EIF2AK3: variants seen among roughly 807,000 people sequenced by gnomAD.
The protein encoded by EIF2AK3 is eukaryotic translation initiation factor 2-alpha kinase 3.
In EIF2AK3, 50 loss-of-function variants were observed where a neutral mutation model predicts 113.5. That is an observed-to-expected ratio of 0.44 (90% CI 0.35 to 0.56). The LOEUF (loss-of-function observed/expected upper bound fraction) is 0.56, where lower values mean the gene tolerates loss of function less well. Among genes scored for constraint, EIF2AK3 ranks in the 20% least tolerant of loss-of-function variants. The pLI is 0.00. For missense variants in EIF2AK3, 1,185 were observed against 1,378.0 expected, an observed-to-expected ratio of 0.86 and a Z score of 2.22; for synonymous variants, 448 against 495.4, an observed-to-expected ratio of 0.90 and a Z score of 1.27.
intron 10 of EIF2AK3, 53 bp downstream of exon 10, chr2:88,583,377 T>G (rs1299738914): frequency 1.4e-6 from 2 of 1,407,978 alleles, no homozygotes; most frequent in Non-Finnish European, 2.0e-6. Context: ...TTAAACAAGA[T>G]CTTAGGTCAT....
Position 88,626,947 on chromosome 2 carries a change from C to G in EIF2AK3, c.308+20G>C, listed in dbSNP as rs761861079. Reference sequence around the variant, plus strand: ...CGCGCGCGTAAACAAGTTGCCTCCCCCGGGTCGGCAGCCCCTCACCTGCCG... The same window carrying G: ...CGCGCGCGTAAACAAGTTGCCTCCCGCGGGTCGGCAGCCCCTCACCTGCCG... On this transcript the variant is annotated intron_variant, in intron 1 of 16. Transcript: ENST00000303236. 5 of 1,606,298 alleles carry G rather than the reference C, an allele frequency of 3.1e-6. No individual in the cohort carries two copies. In the African/African-American group the frequency reaches 6.7e-5, roughly 22 times the overall value.
intron 14 of EIF2AK3, 144 bp downstream of exon 14, chr2:88,570,730 C>G (rs1674283182): frequency 9.8e-7 from 1 of 1,021,026 alleles, no homozygotes; most frequent in East Asian, 2.5e-5. Context: ...TGTCACTATT[C>G]CACTACTGGA....
Position 88,627,250 on chromosome 2 carries a change from G to T in EIF2AK3, c.25C>A (p.Leu9Met), listed in dbSNP as rs1573432415. 11 of 1,486,838 alleles carry T rather than the reference G, an allele frequency of 7.4e-6. No individual in the cohort carries two copies. The highest frequency in any genetic ancestry group is 2.9e-5 in the East Asian group (1 of 34,894). The allele number at this position is 1,486,838 out of a possible 1,614,324, so 92.1% of individuals were successfully genotyped here. A position where few individuals can be genotyped will look rare whatever the true frequency, so the allele number is the denominator to read the frequency against. MERAISPG[L>M]LVRALLLLLL... Reference sequence around the variant, plus strand: ...AGCAGCAGCAGCGCCCGTACCAGCAGCCCCGGGCTGATGGCGCGCTCCATC... The same window carrying T: ...AGCAGCAGCAGCGCCCGTACCAGCATCCCCGGGCTGATGGCGCGCTCCATC... The change falls in exon 1 of 17, where the codon CTG (leucine) becomes ATG (methionine). Residue 9 changes from leucine (L) to methionine (M), a missense_variant. Transcript: ENST00000303236.
At chr2:88,571,496 G>A (rs137972058) in intron 13 of EIF2AK3, among the ~76,000 whole-genome samples, 133 of 152,290 alleles carry the variant, frequency 8.7e-4, no homozygotes, top group African/African-American at 3.1e-3. Context: ...CCCATTAGAT[G>A]AGTACTAACC....
At chr2:88,567,624 C>T (rs1674172541) in intron 14 of EIF2AK3, among the ~76,000 whole-genome samples, 1 of 152,196 alleles carries the variant, frequency 6.6e-6, no homozygotes, top group African/African-American at 2.4e-5. Context: ...ACCATTGGCA[C>T]ATATCGTTCA....
chr2:88,596,158 AG>A, intron 2 of EIF2AK3, among the ~76,000 whole-genome samples: 1 of 152,310 alleles, frequency 6.6e-6, no homozygotes, highest in South Asian at 2.1e-4. Flanking sequence ...TCATAGACTC[AG>A]CTCCAAGGAA....
intron 10 of EIF2AK3, among the ~76,000 whole-genome samples, chr2:88,580,402 C>T (rs140049423): frequency 6.6e-6 from 1 of 152,330 alleles, no homozygotes; most frequent in Non-Finnish European, 1.5e-5. Flanking sequence ...TTCTGCTCAT[C>T]TCCTCACCTC....
At chr2:88,583,570 C>T in intron 9 of EIF2AK3, 28 bp from the exon 10 acceptor site, 1 of 1,534,288 alleles carries the variant, frequency 6.5e-7, no homozygotes, top group Non-Finnish European at 9.0e-7. Context: ...AAAATCACTA[C>T]CAGTACAAAG....
At chr2:88,574,511 C>T in intron 13 of EIF2AK3, 155 bp downstream of exon 13, 2 of 845,674 alleles carry the variant, frequency 2.4e-6, no homozygotes, top group Non-Finnish European at 1.8e-6. Context: ...CTTATTCTTG[C>T]AGCAGGCCCC....
chr2:88,614,171 C>G (rs903285989), intron 1 of EIF2AK3, among the ~76,000 whole-genome samples: 4 of 152,210 alleles, frequency 2.6e-5, no homozygotes, highest in Admixed American at 2.0e-4. Flanking sequence ...TCCCCTGAAA[C>G]ACTGTCTTCC....
At chr2:88,596,802 T>C (rs1675032775) in intron 2 of EIF2AK3, among the ~76,000 whole-genome samples, 1 of 152,168 alleles carries the variant, frequency 6.6e-6, no homozygotes, top group Non-Finnish European at 1.5e-5. Flanking sequence ...GTAAAGCCAA[T>C]AGGATTTCAT....
Position 88,590,450 on chromosome 2 carries a change from A to G in EIF2AK3, c.1158T>C (p.Val386=). The G allele has an allele frequency of 1.2e-6, 2 of 1,613,778 alleles. No individual in the cohort carries two copies. The highest frequency in any genetic ancestry group is 8.5e-7 in the Non-Finnish European group (1 of 1,179,850). The part of the protein sequence containing the change: ...EAARGATENS[V]YLGMYRGQLY... ...TAAGATACATTTACTCACCCAAGTAAACACTGTTTTCTGTGGCTCCTCTGG... is the reference window on the plus strand; with the variant it reads ...TAAGATACATTTACTCACCCAAGTAGACACTGTTTTCTGTGGCTCCTCTGG... Residue 386 remains valine, a synonymous_variant, in exon 6 of 17, where the codon GTT becomes GTC. Coordinates refer to ENST00000303236, the MANE Select transcript of EIF2AK3 (RefSeq NM_004836.7).
chr2:88,603,852 T>C (rs1675207424), intron 2 of EIF2AK3, among the ~76,000 whole-genome samples: 1 of 152,196 alleles, frequency 6.6e-6, no homozygotes, highest in Non-Finnish European at 1.5e-5. Flanking sequence ...ATGCCTTCTT[T>C]AGCATCTCTG....
chr2:88,596,228 C>A (rs1675016195), intron 2 of EIF2AK3, among the ~76,000 whole-genome samples: 1 of 152,062 alleles, frequency 6.6e-6, no homozygotes, highest in Non-Finnish European at 1.5e-5. Context: ...TTTGCTTTCT[C>A]AAATCTGCAA....
intron 2 of EIF2AK3, among the ~76,000 whole-genome samples, chr2:88,606,054 T>C (rs1675263649): frequency 6.6e-6 from 1 of 152,162 alleles, no homozygotes; most frequent in African/African-American, 2.4e-5. Flanking sequence ...GTATTTATCT[T>C]AAAAAATGTA....
At chr2:88,606,731 T>C (rs1007589822) in intron 2 of EIF2AK3, among the ~76,000 whole-genome samples, 1 of 152,192 alleles carries the variant, frequency 6.6e-6, no homozygotes, top group African/African-American at 2.4e-5. Flanking sequence ...AGTAAAGCTG[T>C]ACCCTTTTCA....
intron 6 of EIF2AK3, among the ~76,000 whole-genome samples, chr2:88,589,138 T>A (rs977525999): frequency 2.0e-5 from 3 of 152,150 alleles, no homozygotes; most frequent in Non-Finnish European, 2.9e-5. Flanking sequence ...ACATTTTCAG[T>A]AATACAGGAA....
intron 2 of EIF2AK3, among the ~76,000 whole-genome samples, chr2:88,605,676 A>G (rs1675253023): frequency 1.3e-5 from 2 of 152,214 alleles, no homozygotes; most frequent in South Asian, 4.1e-4. Context: ...CAAAAATGAT[A>G]CACTTGAATG....
intron 15 of EIF2AK3, among the ~76,000 whole-genome samples, chr2:88,560,372 C>G (rs1284574765): frequency 6.6e-6 from 1 of 152,190 alleles, no homozygotes; most frequent in Admixed American, 6.5e-5. Context: ...ATAGGATTTA[C>G]AAATATTTTC....
Sources: allele counts gnomAD v4.1 joint callset (sites outside exome capture counted in the v4.1 genomes callset), GRCh38; gene constraint gnomAD v4.1.1; transcripts MANE v1.5; gene names NCBI Gene and HGNC (gene_info 2026-07-23, HGNC 2026-07-21).